The following TBCA variants were observed in gnomAD, a reference collection of about 807,000 sequenced individuals.
TBCA encodes the protein tubulin folding cofactor A, also known as tubulin-specific chaperone A.
A neutral mutation model predicts 15.8 loss-of-function variants in TBCA; 6 were observed. The observed-to-expected ratio is 0.38, with a 90% CI of 0.21 to 0.75. TBCA has a LOEUF of 0.75. TBCA is among the 30% of genes least tolerant of loss of function. The probability of loss-of-function intolerance (pLI) is 0.46; values close to 1 mark genes in which losing one functional copy is unlikely to be tolerated. For missense variants in TBCA, 90 were observed against 131.2 expected (o/e 0.69, Z 1.53); for synonymous variants, 32 against 42.3 (o/e 0.76, Z 0.94).
chr5:77,769,267 T>C (rs548924003), intron 1 of TBCA, among the ~76,000 whole-genome samples: 3 of 152,320 alleles, frequency 2.0e-5, no homozygotes, highest in African/African-American at 7.2e-5. Context: ...AGTAGGAAGG[T>C]AGCCATCTGG....
At chr5:77,736,836 T>C (rs1229024273) in intron 1 of TBCA, among the ~76,000 whole-genome samples, 1 of 152,234 alleles carries the variant, frequency 6.6e-6, no homozygotes, top group East Asian at 1.9e-4. Context: ...AGCTATATAA[T>C]GCTTTGCAAT....
chr5:77,691,896 C>A, intron 3 of TBCA: 1 of 990,232 alleles, frequency 1.0e-6, no homozygotes, highest in Non-Finnish European at 1.2e-6. Flanking sequence ...CCAAAATAAT[C>A]CACTGACTAT....
intron 1 of TBCA, 67 bp downstream of exon 1, chr5:77,776,138 G>A: frequency 1.3e-6 from 2 of 1,541,366 alleles, no homozygotes; most frequent in Non-Finnish European, 1.8e-6. Flanking sequence ...CCTGCGCTCC[G>A]CTCAGCCTCG....
At chr5:77,762,751 C>G (rs1747670924) in intron 1 of TBCA, among the ~76,000 whole-genome samples, 1 of 152,132 alleles carries the variant, frequency 6.6e-6, no homozygotes, top group Non-Finnish European at 1.5e-5. Context: ...TCCACACACC[C>G]TTAACTAAGT....
At chr5:77,694,949 C>G (rs770442004) in intron 2 of TBCA, among the ~76,000 whole-genome samples, 167 of 152,290 alleles carry the variant, frequency 1.1e-3, no homozygotes, top group Non-Finnish European at 2.5e-4. Context: ...ACTATACCTA[C>G]ACATTTAACC....
At chr5:77,691,549 CTTTGTTATTTACTCAAATATTACA>C in intron 3 of TBCA, 51 bp from the exon 4 acceptor site, 1 of 1,496,834 alleles carries the variant, frequency 6.7e-7, no homozygotes, top group Non-Finnish European at 8.9e-7. Context: ...AGTTTCAGTA[CTTTGTTATTTACTCAAATATTACA>C]AACCATTAAT....
intron 1 of TBCA, among the ~76,000 whole-genome samples, chr5:77,730,292 G>A (rs1259253186): frequency 6.6e-6 from 1 of 152,138 alleles, no homozygotes; most frequent in Non-Finnish European, 1.5e-5. Context: ...AAGGTAGAAG[G>A]TCACATGAAG....
At chr5:77,692,073 C>T in intron 3 of TBCA, 1 of 984,588 alleles carries the variant, frequency 1.0e-6, no homozygotes, top group Non-Finnish European at 1.2e-6. Flanking sequence ...TTCCATAATA[C>T]TGATATACAG....
At chr5:77,740,747 G>A (rs1196915879) in intron 1 of TBCA, among the ~76,000 whole-genome samples, 1 of 152,126 alleles carries the variant, frequency 6.6e-6, no homozygotes. Context: ...TCATGAGTGG[G>A]CAATATTGCT....
chr5:77,742,311 T>C (rs889523333), intron 1 of TBCA, among the ~76,000 whole-genome samples: 1 of 152,176 alleles, frequency 6.6e-6, no homozygotes, highest in Non-Finnish European at 1.5e-5. Context: ...ATAAGGAATA[T>C]TCAACCTGTA....
intron 2 of TBCA, among the ~76,000 whole-genome samples, chr5:77,699,874 C>A (rs1476902867): frequency 6.6e-6 from 1 of 151,724 alleles, no homozygotes; most frequent in Admixed American, 6.6e-5. Context: ...CTTTTCTATA[C>A]TAAAAATACA....
chr5:77,745,919 C>T (rs891704525), intron 1 of TBCA, among the ~76,000 whole-genome samples: 2 of 152,130 alleles, frequency 1.3e-5, no homozygotes, highest in Non-Finnish European at 2.9e-5. Context: ...CTTTTAATTA[C>T]TATGGTAACC....
chr5:77,725,547 A>T (rs1287594238), intron 1 of TBCA, among the ~76,000 whole-genome samples: 2 of 152,348 alleles, frequency 1.3e-5, no homozygotes, highest in East Asian at 3.9e-4. Context: ...TCTCGCTAAT[A>T]GTCTTTTCCG....
chr5:77,718,628 A>T (rs1746461001), intron 1 of TBCA, among the ~76,000 whole-genome samples: 1 of 152,226 alleles, frequency 6.6e-6, no homozygotes, highest in African/African-American at 2.4e-5. Flanking sequence ...TGTGGTCATT[A>T]TAAAGTCCTA....
At chr5:77,692,864 T>C in intron 3 of TBCA, 2 of 1,130,584 alleles carry the variant, frequency 1.8e-6, no homozygotes, top group Non-Finnish European at 2.2e-6. Context: ...TGTGAAAGAA[T>C]TCAAGATCCT....
Position 77,691,531 on chromosome 5 carries a change from C to G in TBCA, c.247-33G>C, listed in dbSNP as rs772989416. On this transcript the variant is annotated intron_variant, in intron 3 of 3. Transcript: ENST00000380377. The stretch of plus-strand genomic sequence containing the variant: ...GAAATACAATAAAAATTAAGTTTAT[C>G]CTTTTCAAGTTTCAGTACTTTGTTA... 18 of 1,539,096 alleles carry G rather than the reference C, an allele frequency of 1.2e-5. No homozygotes were observed. The South Asian group carries it at 2.3e-4, about 19-fold the overall frequency.
At chr5:77,725,400 A>G (rs537879658) in intron 1 of TBCA, among the ~76,000 whole-genome samples, 28 of 152,116 alleles carry the variant, frequency 1.8e-4, no homozygotes, top group African/African-American at 6.5e-4. Context: ...CTTTTGCTTG[A>G]TTGTTAGTGA....
intron 1 of TBCA, among the ~76,000 whole-genome samples, chr5:77,765,804 C>A (rs1296929474): frequency 1.3e-5 from 2 of 149,832 alleles, no homozygotes; most frequent in East Asian, 4.0e-4. Flanking sequence ...CTTACGCTAA[C>A]CATTACATAT....
chr5:77,712,877 A>T (rs1405058469), intron 1 of TBCA, among the ~76,000 whole-genome samples: 1 of 152,222 alleles, frequency 6.6e-6, no homozygotes, highest in African/African-American at 2.4e-5. Flanking sequence ...GAATTCACAA[A>T]CACATATGGG....
Sources: allele counts gnomAD v4.1 joint callset (sites outside exome capture counted in the v4.1 genomes callset), GRCh38; gene constraint gnomAD v4.1.1; transcripts MANE v1.5; gene names NCBI Gene and HGNC (gene_info 2026-07-23, HGNC 2026-07-21).